Variants in RPN1 observed in about 807,000 individuals in gnomAD.
RPN1 encodes ribophorin I.
In RPN1, 12 loss-of-function variants were observed where a neutral mutation model predicts 55.5. That is an observed-to-expected ratio of 0.22 (90% CI 0.14 to 0.35). The LOEUF (loss-of-function observed/expected upper bound fraction) is 0.35, where lower values mean the gene tolerates loss of function less well. Among genes scored for constraint, RPN1 ranks in the 10% least tolerant of loss-of-function variants. The probability of loss-of-function intolerance (pLI) is 1.00; values close to 1 mark genes in which losing one functional copy is unlikely to be tolerated. For missense variants in RPN1, 679 were observed against 761.3 expected (o/e 0.89, Z 1.27); for synonymous variants, 317 against 305.9 (o/e 1.04, Z -0.38).
intron 3 of RPN1, among the ~76,000 whole-genome samples, chr3:128,635,612 GATATATATATATAT>G (rs112246211): frequency 1.7e-4 from 22 of 125,722 alleles, no homozygotes; most frequent in East Asian, 1.1e-3. Flanking sequence ...TATAACTTGA[GATATATATATATAT>G]ATATATATAT....
intron 3 of RPN1, 29 bp downstream of exon 3, chr3:128,637,770 G>A (rs200153058): frequency 1.2e-6 from 2 of 1,600,104 alleles, no homozygotes; most frequent in East Asian, 2.2e-5. Context: ...GAAGCAGACA[G>A]GGATGGGCTG....
chr3:128,639,724 A>G (rs964156753), intron 2 of RPN1, among the ~76,000 whole-genome samples: 2 of 151,692 alleles, frequency 1.3e-5, no homozygotes, highest in African/African-American at 4.8e-5. Context: ...AGTAGCTGGG[A>G]TTACAGGCGT....
At chr3:128,647,592 T>C (rs1168654702) in intron 1 of RPN1, among the ~76,000 whole-genome samples, 1 of 150,844 alleles carries the variant, frequency 6.6e-6, no homozygotes, top group Admixed American at 6.6e-5. Context: ...CTCAGGGGGC[T>C]AGGTGGGAGG....
In RPN1 at chr3:128,622,299, C is replaced by T. The variant is rs776041092; in HGVS notation, c.1506G>A (p.Arg502=). 20 of 1,614,120 alleles carry T rather than the reference C, an allele frequency of 1.2e-5. No homozygotes were observed. The South Asian group carries it at 1.9e-4, about 15-fold the overall frequency. ...TGGAGATGTCCCGGGATTGCTTGTACCTATTGACGGTCTCGTCAAAGTGAC... is the reference window on the plus strand; with the variant it reads ...TGGAGATGTCCCGGGATTGCTTGTATCTATTGACGGTCTCGTCAAAGTGAC... ...LYRHFDETVN[R]YKQSRDISTL... The change falls in exon 9 of 10, where the codon AGG becomes AGA. Residue 502 remains arginine, a synonymous_variant. Coordinates refer to ENST00000296255, the MANE Select transcript of RPN1 (RefSeq NM_002950.4).
At chr3:128,645,635 G>A (rs190955040) in intron 1 of RPN1, among the ~76,000 whole-genome samples, 108 of 151,166 alleles carry the variant, frequency 7.1e-4, no homozygotes, top group African/African-American at 2.5e-3. Context: ...TGGCCAGTAT[G>A]GTGAAACCCC....
At chr3:128,648,648 C>T (rs1477054337) in intron 1 of RPN1, among the ~76,000 whole-genome samples, 1 of 152,156 alleles carries the variant, frequency 6.6e-6, no homozygotes, top group East Asian at 1.9e-4. Flanking sequence ...AAATATACAT[C>T]TCCTTGTTAA....
Position 128,637,840 on chromosome 3 carries a change from G to A in RPN1, c.592C>T (p.Leu198=), listed in dbSNP as rs1324603237. Reference sequence around the variant, plus strand: ...ACATCTCTGAAAGGCCCATAATCCAGTAGGTCCTCAGAGCGCGTGGGGTTC... The same window carrying A: ...ACATCTCTGAAAGGCCCATAATCCAATAGGTCCTCAGAGCGCGTGGGGTTC... The part of the protein sequence containing the change: ...LGNPTRSEDL[L]DYGPFRDVPA... Residue 198 remains leucine (L), a synonymous_variant, in exon 3 of 10, where the codon CTG becomes TTG. Coordinates refer to ENST00000296255, the MANE Select transcript of RPN1 (RefSeq NM_002950.4). The A allele has an allele frequency of 1.2e-6, 2 of 1,613,724 alleles. No individual in the cohort carries two copies. Among genetic ancestry groups the A allele is most frequent in the Non-Finnish European group, 1.7e-6 (2 of 1,180,044 alleles).
chr3:128,635,000 T>A (rs561576263), intron 3 of RPN1, among the ~76,000 whole-genome samples: 1 of 152,202 alleles, frequency 6.6e-6, no homozygotes, highest in South Asian at 2.1e-4. Flanking sequence ...GTAAAAGAAA[T>A]CATGCAGTTA....
At chr3:128,625,444 G>T in intron 8 of RPN1, 90 bp downstream of exon 8, 1 of 1,599,200 alleles carries the variant, frequency 6.3e-7, no homozygotes, top group Non-Finnish European at 8.6e-7. Flanking sequence ...ATGGCGTCCT[G>T]CCCTGGGCTC....
intron 5 of RPN1, among the ~76,000 whole-genome samples, chr3:128,627,986 G>A (rs1056904861): frequency 3.0e-3 from 4 of 1,320 alleles, no homozygotes; most frequent in Non-Finnish European, 4.7e-3. Flanking sequence ...GGCCGGGCGC[G>A]GTGGCTCACT....
At position 128,620,249 on chromosome 3, in the gene RPN1, A is replaced by G. The variant is rs1289364963; in HGVS notation, c.*162T>C. 2.2e-6 allele frequency: 1 copy of G among 451,444 alleles called. No individual in the cohort carries two copies. Among genetic ancestry groups the G allele is most frequent in the African/African-American group, 2.0e-5 (1 of 49,324 alleles). The allele number at this position is 451,444 out of a possible 1,614,324, so 28.0% of individuals were successfully genotyped here. ...AAAAAGAAAGTTAAGGACAAACGGC[A>G]AACTCACACTGCCTGACGCAGGGCC... is the stretch of plus-strand genomic sequence containing the variant. On this transcript the variant is annotated 3_prime_UTR_variant, in exon 10 of 10. Coordinates refer to ENST00000296255, the MANE Select transcript of RPN1 (RefSeq NM_002950.4).
chr3:128,649,418 T>C (rs1013456004), intron 1 of RPN1, among the ~76,000 whole-genome samples: 7 of 152,148 alleles, frequency 4.6e-5, no homozygotes, highest in Non-Finnish European at 1.0e-4. Context: ...TTACATGAAG[T>C]TTTGATCTAT....
At chr3:128,629,041 C>T (rs903960447) in intron 5 of RPN1, among the ~76,000 whole-genome samples, 2 of 152,028 alleles carry the variant, frequency 1.3e-5, no homozygotes, top group African/African-American at 4.8e-5. Flanking sequence ...GAGATATACA[C>T]TTGGGTGATA....
intron 1 of RPN1, among the ~76,000 whole-genome samples, chr3:128,646,530 TACA>T (rs1278710991): frequency 6.6e-6 from 1 of 151,196 alleles, no homozygotes; most frequent in Non-Finnish European, 1.5e-5. Flanking sequence ...TACTAAAAAA[TACA>T]ACAATTAGCT....
At chr3:128,623,275 A>G (rs979090322) in intron 8 of RPN1, among the ~76,000 whole-genome samples, 6 of 152,138 alleles carry the variant, frequency 3.9e-5, no homozygotes, top group African/African-American at 1.2e-4. Context: ...AGTGGCTCAC[A>G]CCTGTAATCC....
At chr3:128,630,589 AAT>A (rs1313757905) in intron 4 of RPN1, among the ~76,000 whole-genome samples, 8 of 152,190 alleles carry the variant, frequency 5.3e-5, no homozygotes, top group Non-Finnish European at 1.0e-4. Flanking sequence ...AGGAAGGTAT[AAT>A]ACCTTTGTTC....
At chr3:128,625,418 CA>C (rs911493408) in intron 8 of RPN1, 115 bp downstream of exon 8, 6 of 1,498,012 alleles carry the variant, frequency 4.0e-6, no homozygotes, top group African/African-American at 2.8e-5. Flanking sequence ...TGAGCACAGG[CA>C]GGGGTCTTTT....
intron 5 of RPN1, 78 bp from the exon 6 acceptor site, chr3:128,626,910 A>C (rs1576792682): frequency 3.6e-5 from 47 of 1,323,138 alleles, no homozygotes; most frequent in Non-Finnish European, 4.1e-5. Flanking sequence ...ACAGGGGCTC[A>C]CATAAAGACA....
Position 128,625,846 on chromosome 3 carries a change from A to G in RPN1, c.1275+28T>C, listed in dbSNP as rs201652296. 300 of 1,596,914 alleles carry G rather than the reference A, an allele frequency of 1.9e-4. 2 individuals carry two copies. In the East Asian group the frequency reaches 5.0e-3, roughly 27 times the overall value. On this transcript the variant is annotated intron_variant, in intron 7 of 9. Coordinates refer to ENST00000296255, the MANE Select transcript of RPN1 (RefSeq NM_002950.4). ...GAGCCCACTGTCTGGGGAAGACGCC[A>G]TGGAAGGCAAACAGTGGAGCCACTC...
Sources: allele counts gnomAD v4.1 joint callset (sites outside exome capture counted in the v4.1 genomes callset), GRCh38; gene constraint gnomAD v4.1.1; transcripts MANE v1.5; gene names NCBI Gene and HGNC (gene_info 2026-07-23, HGNC 2026-07-21).